The following FOXP2 variants were observed in gnomAD, a reference collection of about 807,000 sequenced individuals.
FOXP2 encodes forkhead box protein P2.
Under a neutral mutation model 115.8 loss-of-function variants are expected in FOXP2, and 12 were observed. The observed-to-expected ratio is 0.10, with a 90% CI of 0.07 to 0.17. The LOEUF is 0.17. FOXP2 is among the 10% of genes least tolerant of loss of function. The pLI, the probability that FOXP2 is intolerant of heterozygous loss-of-function variation, is 1.00. For synonymous variants in FOXP2, 328 were observed against 297.7 expected, an observed-to-expected ratio of 1.10 and a Z score of -1.05; for missense variants, 629 against 843.5, an observed-to-expected ratio of 0.75 and a Z score of 3.15.
At chr7:114,343,400 A>G (rs1444838690) in intron 2 of FOXP2, among the ~76,000 whole-genome samples, 2 of 151,644 alleles carry the variant, frequency 1.3e-5, no homozygotes, top group East Asian at 3.9e-4. Flanking sequence ...GGATGAAAAC[A>G]CTACAAAAAG....
intron 2 of FOXP2, among the ~76,000 whole-genome samples, chr7:114,485,880 A>G (rs556918162): frequency 8.5e-5 from 13 of 152,288 alleles, no homozygotes; most frequent in Admixed American, 5.9e-4. Flanking sequence ...TAAGTGGTGG[A>G]GCTGTAATAC....
At chr7:114,320,200 C>G (rs1215941918) in intron 2 of FOXP2, among the ~76,000 whole-genome samples, 1 of 152,158 alleles carries the variant, frequency 6.6e-6, no homozygotes, top group African/African-American at 2.4e-5. Flanking sequence ...ACTGGACTAC[C>G]CATCACTTCC....
intron 2 of FOXP2, among the ~76,000 whole-genome samples, chr7:114,454,274 A>G (rs1795194724): frequency 6.6e-6 from 1 of 152,198 alleles, no homozygotes; most frequent in Non-Finnish European, 1.5e-5. Context: ...AAAAATGCTC[A>G]TCATCACTGG....
intron 2 of FOXP2, among the ~76,000 whole-genome samples, chr7:114,474,562 C>T (rs1216705471): frequency 6.6e-6 from 1 of 152,100 alleles, no homozygotes; most frequent in African/African-American, 2.4e-5. Context: ...TAAACTGAAG[C>T]TTACACTTTT....
chr7:114,640,478 T>C (rs1047639313), intron 6 of FOXP2, among the ~76,000 whole-genome samples: 2 of 152,212 alleles, frequency 1.3e-5, no homozygotes, highest in Middle Eastern at 3.2e-3. Flanking sequence ...TTAAGGTTAA[T>C]GCTGTGATGA....
intron 3 of FOXP2, among the ~76,000 whole-genome samples, chr7:114,627,816 C>T (rs1306523053): frequency 6.6e-6 from 1 of 151,974 alleles, no homozygotes; most frequent in Non-Finnish European, 1.5e-5. Flanking sequence ...CTATTATAAG[C>T]TCAGTTGCTT....
At chr7:114,227,987 T>C (rs895263334) in intron 1 of FOXP2, among the ~76,000 whole-genome samples, 2 of 152,062 alleles carry the variant, frequency 1.3e-5, no homozygotes, top group Non-Finnish European at 2.9e-5. Context: ...TTAAACACTT[T>C]AGATAATACC....
At chr7:114,123,635 T>C (rs1416804205) in intron 1 of FOXP2, among the ~76,000 whole-genome samples, 1 of 152,092 alleles carries the variant, frequency 6.6e-6, no homozygotes, top group Admixed American at 6.6e-5. Context: ...ATAATCTGGT[T>C]CTCTCTGACT....
At chr7:114,376,936 C>T (rs1437242742) in intron 2 of FOXP2, among the ~76,000 whole-genome samples, 1 of 152,134 alleles carries the variant, frequency 6.6e-6, no homozygotes, top group Admixed American at 6.5e-5. Context: ...CACAAGAGAA[C>T]CTCTCCAAAG....
chr7:114,375,236 T>C (rs1792112180), intron 2 of FOXP2, among the ~76,000 whole-genome samples: 1 of 152,202 alleles, frequency 6.6e-6, no homozygotes, highest in Non-Finnish European at 1.5e-5. Context: ...CCATTAGTCA[T>C]TTGGAACAAA....
chr7:114,394,774 C>CA (rs1305156117), intron 2 of FOXP2, among the ~76,000 whole-genome samples: 1 of 152,108 alleles, frequency 6.6e-6, no homozygotes, highest in Admixed American at 6.6e-5. Flanking sequence ...TCTAATGTGT[C>CA]AAGGTCATGA....
intron 1 of FOXP2, among the ~76,000 whole-genome samples, chr7:114,198,096 T>C (rs551809417): frequency 2.0e-5 from 3 of 152,222 alleles, no homozygotes; most frequent in South Asian, 4.1e-4. Context: ...ACTCCTTGGC[T>C]CCAGTGATCC....
intron 12 of FOXP2, 41 bp downstream of exon 12, chr7:114,659,473 A>T (rs1806760257): frequency 6.3e-7 from 1 of 1,593,310 alleles, no homozygotes; most frequent in Admixed American, 1.7e-5. Flanking sequence ...TTAAATTAAA[A>T]TTCATTAATG....
intron 2 of FOXP2, among the ~76,000 whole-genome samples, chr7:114,382,934 G>C (rs558996194): frequency 1.3e-5 from 2 of 152,208 alleles, no homozygotes; most frequent in South Asian, 4.1e-4. Flanking sequence ...CTTCTAGCAC[G>C]CAAGTTAGCA....
chr7:114,347,617 C>T (rs182470141), intron 2 of FOXP2, among the ~76,000 whole-genome samples: 4 of 152,064 alleles, frequency 2.6e-5, no homozygotes, highest in Admixed American at 2.6e-4. Flanking sequence ...AAATATCTGA[C>T]AAACTTATAG....
chr7:114,131,112 T>C (rs1791863586), intron 1 of FOXP2, among the ~76,000 whole-genome samples: 1 of 152,220 alleles, frequency 6.6e-6, no homozygotes, highest in Non-Finnish European at 1.5e-5. Context: ...TGGCCTTTAA[T>C]GGCACTTTTG....
chr7:114,223,513 A>T (rs1416967945), intron 1 of FOXP2, among the ~76,000 whole-genome samples: 2 of 147,520 alleles, frequency 1.4e-5, no homozygotes, highest in African/African-American at 4.9e-5. Flanking sequence ...TATATAATAT[A>T]TATATAATAT....
intron 2 of FOXP2, among the ~76,000 whole-genome samples, chr7:114,362,949 A>G (rs1333994622): frequency 6.6e-6 from 1 of 152,042 alleles, no homozygotes. Context: ...TCTATAATTG[A>G]CATAGCAGAG....
chr7:114,659,703 C>T (rs144807019), intron 13 of FOXP2, 30 bp downstream of exon 13: 1 of 1,524,134 alleles, frequency 6.6e-7, no homozygotes, highest in South Asian at 1.1e-5. Flanking sequence ...TTTTAAGATG[C>T]CTACCACAGT....
Sources: gnomAD v4.1 joint callset for allele counts (sites outside exome capture counted in the v4.1 genomes callset) on GRCh38, gnomAD v4.1.1 for gene constraint, MANE v1.5 for transcripts, NCBI Gene and HGNC (gene_info 2026-07-23, HGNC 2026-07-21) for gene names.